Variants in GALNT17 observed in about 807,000 individuals in gnomAD.
GALNT17 encodes the protein polypeptide N-acetylgalactosaminyltransferase 17.
GALNT17 carries 29 observed loss-of-function variants against 63.7 expected under a neutral mutation model. The ratio of observed to expected loss-of-function variants is 0.46; its 90% confidence interval spans 0.34 to 0.62. GALNT17 has a LOEUF of 0.62. Among genes scored for constraint, GALNT17 ranks in the 20% least tolerant of loss-of-function variants. The pLI is 0.01. For synonymous variants in GALNT17, 305 were observed against 318.3 expected (o/e 0.96, Z 0.45); for missense variants, 603 against 799.6 (o/e 0.75, Z 2.97).
intron 2 of GALNT17, among the ~76,000 whole-genome samples, chr7:71,340,915 G>A (rs1362528464): frequency 2.0e-5 from 3 of 152,244 alleles, no homozygotes; most frequent in African/African-American, 7.2e-5. Context: ...GTGCATGCTT[G>A]TAATTCCAGC....
At chr7:71,661,717 C>T (rs1176772679) in intron 6 of GALNT17, among the ~76,000 whole-genome samples, 1 of 152,168 alleles carries the variant, frequency 6.6e-6, no homozygotes, top group African/African-American at 2.4e-5. Flanking sequence ...TGCTGGACCC[C>T]ACAGCAGGGC....
At chr7:71,665,921 C>T (rs1349255531) in intron 7 of GALNT17, among the ~76,000 whole-genome samples, 2 of 152,094 alleles carry the variant, frequency 1.3e-5, no homozygotes, top group Non-Finnish European at 2.9e-5. Context: ...TACTTCACAG[C>T]AGACTCTTCA....
intron 6 of GALNT17, among the ~76,000 whole-genome samples, chr7:71,604,779 TCTC>T (rs1281383368): frequency 3.9e-5 from 6 of 152,182 alleles, no homozygotes; most frequent in African/African-American, 1.4e-4. Flanking sequence ...CAGTTGCATG[TCTC>T]CTCCTCCTTC....
At position 71,610,357 on chromosome 7, in the gene GALNT17, C is replaced by CT. The variant is rs1213375795; in HGVS notation, c.1080+38956dup. Among the ~76,000 whole-genome samples, 3 of 152,174 alleles carry CT rather than the reference C, an allele frequency of 2.0e-5. No individual in the cohort carries two copies. In the East Asian group the frequency reaches 5.8e-4, roughly 30 times the overall value. On this transcript the variant is annotated intron_variant, in intron 6 of 10. Coordinates refer to ENST00000333538, the MANE Select transcript of GALNT17 (RefSeq NM_022479.3). The stretch of plus-strand genomic sequence containing the variant: ...AATAACTGGGCATGGTTGTGCACAT[C>CT]TGTAGTCTCAGGACTAGCTACTCAG...
intron 4 of GALNT17, among the ~76,000 whole-genome samples, chr7:71,416,924 T>C (rs1786544244): frequency 6.6e-6 from 1 of 152,140 alleles, no homozygotes; most frequent in South Asian, 2.1e-4. Context: ...TGGTTGAGTG[T>C]ACGGGGAGTA....
intron 9 of GALNT17, among the ~76,000 whole-genome samples, chr7:71,678,487 G>A (rs2117069301): frequency 6.6e-6 from 1 of 151,822 alleles, no homozygotes; most frequent in East Asian, 2.0e-4. Flanking sequence ...AGACCAGCCT[G>A]GACAACATGG....
intron 1 of GALNT17, among the ~76,000 whole-genome samples, chr7:71,187,283 TTTC>T (rs1160511517): frequency 2.9e-5 from 4 of 135,976 alleles, no homozygotes; most frequent in African/African-American, 5.9e-5. Flanking sequence ...CTAATTTTTC[TTTC>T]TTTTTTTTTT....
intron 1 of GALNT17, among the ~76,000 whole-genome samples, chr7:71,164,253 G>GC (rs1788396803): frequency 6.6e-6 from 1 of 152,184 alleles, no homozygotes; most frequent in South Asian, 2.1e-4. Context: ...TCACAGTTCT[G>GC]CATGGCTGGG....
chr7:71,266,127 T>C (rs907208458), intron 1 of GALNT17, among the ~76,000 whole-genome samples: 7 of 152,156 alleles, frequency 4.6e-5, no homozygotes, highest in African/African-American at 1.7e-4. Flanking sequence ...ATGGACTTTG[T>C]TACTTTGATC....
At chr7:71,517,785 T>G (rs745874410) in intron 5 of GALNT17, among the ~76,000 whole-genome samples, 2 of 152,192 alleles carry the variant, frequency 1.3e-5, no homozygotes, top group Non-Finnish European at 2.9e-5. Flanking sequence ...ACTTACACAC[T>G]ACAGTAGGGA....
intron 1 of GALNT17, among the ~76,000 whole-genome samples, chr7:71,224,542 T>TG (rs1316352931): frequency 3.9e-5 from 6 of 152,138 alleles, no homozygotes; most frequent in African/African-American, 1.4e-4. Context: ...CATGTGTGCT[T>TG]GGGGGCTGAT....
intron 9 of GALNT17, among the ~76,000 whole-genome samples, chr7:71,694,154 C>T (rs1791504932): frequency 6.6e-6 from 1 of 151,988 alleles, no homozygotes; most frequent in African/African-American, 2.4e-5. Context: ...CTTTATAAAA[C>T]CATCAGATCT....
chr7:71,348,762 G>T (rs1170059995), intron 2 of GALNT17, among the ~76,000 whole-genome samples: 1 of 152,184 alleles, frequency 6.6e-6, no homozygotes, highest in African/African-American at 2.4e-5. Flanking sequence ...TGCAGGAGGG[G>T]CTAGCTCATC....
chr7:71,296,471 C>T (rs1163498789), intron 1 of GALNT17, among the ~76,000 whole-genome samples: 2 of 151,896 alleles, frequency 1.3e-5, no homozygotes, highest in African/African-American at 4.8e-5. Context: ...AAAAATTAGC[C>T]GGGCATGGTG....
At chr7:71,140,263 A>C (rs1054146395) in intron 1 of GALNT17, among the ~76,000 whole-genome samples, 2 of 152,208 alleles carry the variant, frequency 1.3e-5, no homozygotes, top group African/African-American at 4.8e-5. Context: ...GACATTCCAC[A>C]GGGATTGAGG....
chr7:71,481,798 T>G (rs1354358524), intron 5 of GALNT17, among the ~76,000 whole-genome samples: 1 of 151,964 alleles, frequency 6.6e-6, no homozygotes, highest in Admixed American at 6.6e-5. Flanking sequence ...TCAGAGGCAA[T>G]AAGGCACTTC....
rs1251486090 is a variant in GALNT17, at chr7:71,313,497, A to G, written c.239-22053A>G. 3.9e-5 allele frequency among the ~76,000 whole-genome samples: 6 copies of G among 152,362 alleles called. No individual in the cohort carries two copies. The South Asian group carries it at 8.3e-4, about 21-fold the overall frequency. On this transcript the variant is annotated intron_variant, in intron 1 of 10. Coordinates refer to ENST00000333538, the MANE Select transcript of GALNT17 (RefSeq NM_022479.3). ...CTGCAGTGGGCCAACTGTCCGTAGCAACAAAGACACATGGGCAAACAAACA... is the reference window on the plus strand; with the variant it reads ...CTGCAGTGGGCCAACTGTCCGTAGCGACAAAGACACATGGGCAAACAAACA...
At chr7:71,489,787 C>T (rs190576318) in intron 5 of GALNT17, among the ~76,000 whole-genome samples, 1 of 152,368 alleles carries the variant, frequency 6.6e-6, no homozygotes, top group African/African-American at 2.4e-5. Context: ...CCTCAATGAC[C>T]TCCACCTGAC....
intron 1 of GALNT17, among the ~76,000 whole-genome samples, chr7:71,143,379 A>C (rs1787953043): frequency 7.1e-6 from 1 of 141,568 alleles, no homozygotes; most frequent in Non-Finnish European, 1.5e-5. Context: ...ATGAGATCCC[A>C]CCACTGCACT....
Sources: allele counts gnomAD v4.1 joint callset (sites outside exome capture counted in the v4.1 genomes callset), GRCh38; gene constraint gnomAD v4.1.1; transcripts MANE v1.5; gene names NCBI Gene and HGNC (gene_info 2026-07-23, HGNC 2026-07-21).